Variants in PTPRN2 observed in about 807,000 individuals in gnomAD.
PTPRN2 encodes the protein receptor-type tyrosine-protein phosphatase N2.
A neutral mutation model predicts 118.8 loss-of-function variants in PTPRN2; 74 were observed. That is an observed-to-expected ratio of 0.62 (90% CI 0.52 to 0.76). The LOEUF (loss-of-function observed/expected upper bound fraction) is 0.76. Ranked by LOEUF, PTPRN2 falls within the 30% of genes least tolerant of loss-of-function variation. The pLI, the probability that PTPRN2 is intolerant of heterozygous loss-of-function variation, is 0.00. For synonymous variants in PTPRN2, 641 were observed against 608.0 expected (o/e 1.05, Z -0.80); for missense variants, 1,481 against 1,394.4 (o/e 1.06, Z -0.99).
intron 11 of PTPRN2, among the ~76,000 whole-genome samples, chr7:157,981,284 C>G (rs527970116): frequency 6.6e-6 from 1 of 151,570 alleles, no homozygotes; most frequent in Non-Finnish European, 1.5e-5. Context: ...ATGGAGAAGG[C>G]TTCCATAGTC....
At position 157,869,542 on chromosome 7, in the gene PTPRN2, G is replaced by A. The variant is rs1048614718; in HGVS notation, c.1788+29131C>T. Among the ~76,000 whole-genome samples, 2 of 152,232 alleles carry A rather than the reference G, an allele frequency of 1.3e-5. No homozygotes were observed. Among genetic ancestry groups the A allele is most frequent in the Non-Finnish European group, 2.9e-5 (2 of 68,004 alleles). On this transcript the variant is annotated intron_variant, in intron 12 of 22. Transcript: ENST00000389418. The surrounding 1 kb of genome is among the most constrained non-coding windows in gnomAD (Gnocchi z 4.2). Reference sequence around the variant, plus strand: ...ACCCACCATTTAGTCCATTCCCAAGGCACTGAGGACCTTGGGAATTTAGCC... The same window carrying A: ...ACCCACCATTTAGTCCATTCCCAAGACACTGAGGACCTTGGGAATTTAGCC...
intron 11 of PTPRN2, among the ~76,000 whole-genome samples, chr7:157,992,868 G>A (rs1804352464): frequency 6.6e-6 from 1 of 152,256 alleles, no homozygotes; most frequent in African/African-American, 2.4e-5. Context: ...AGCATAGACA[G>A]TATCTTCAGT....
chr7:157,938,937 A>G (rs1246890429), intron 11 of PTPRN2, among the ~76,000 whole-genome samples: 1 of 152,250 alleles, frequency 6.6e-6, no homozygotes, highest in Non-Finnish European at 1.5e-5. Context: ...TGGGAGCATC[A>G]GAGCAAACTT....
chr7:158,368,820 C>T (rs1210536807), intron 2 of PTPRN2, among the ~76,000 whole-genome samples: 1 of 152,178 alleles, frequency 6.6e-6, no homozygotes, highest in Non-Finnish European at 1.5e-5. Flanking sequence ...GAGAGCTCTG[C>T]CAGACAGAGG....
chr7:157,769,825 A>G (rs1028641651), intron 12 of PTPRN2, among the ~76,000 whole-genome samples: 9 of 151,906 alleles, frequency 5.9e-5, no homozygotes, highest in Non-Finnish European at 1.2e-4. Context: ...GGCGCTCCTC[A>G]CCTGGATTCC....
chr7:157,725,025 G>A (rs1028391460), intron 12 of PTPRN2, among the ~76,000 whole-genome samples: 12 of 152,130 alleles, frequency 7.9e-5, no homozygotes, highest in African/African-American at 2.2e-4. Context: ...TAAAATTCTC[G>A]TGTCCTTAAA....
intron 12 of PTPRN2, among the ~76,000 whole-genome samples, chr7:157,774,267 G>A (rs182643942): frequency 5.3e-5 from 8 of 152,302 alleles, no homozygotes; most frequent in Admixed American, 1.3e-4. Flanking sequence ...ACAGAGATGC[G>A]CTGAATAGAA....
At chr7:157,756,301 TTAA>T (rs770077671) in intron 12 of PTPRN2, among the ~76,000 whole-genome samples, 207 of 146,012 alleles carry the variant, frequency 1.4e-3, no homozygotes, top group Middle Eastern at 7.0e-3. Flanking sequence ...AATCTTTTAA[TTAA>T]TTTTTTTTTT....
intron 5 of PTPRN2, among the ~76,000 whole-genome samples, chr7:158,182,947 A>C (rs1824839308): frequency 6.6e-6 from 1 of 152,198 alleles, no homozygotes; most frequent in African/African-American, 2.4e-5. Context: ...ATCTAGCAGT[A>C]ATTATTTTAT....
intron 2 of PTPRN2, among the ~76,000 whole-genome samples, chr7:158,474,522 C>G (rs1336123979): frequency 6.6e-6 from 1 of 152,248 alleles, no homozygotes; most frequent in Non-Finnish European, 1.5e-5. Flanking sequence ...TCAAGAGCAT[C>G]TTAGTAAATG....
chr7:158,255,779 C>G (rs1172707655), intron 3 of PTPRN2, among the ~76,000 whole-genome samples: 1 of 142,576 alleles, frequency 7.0e-6, no homozygotes, highest in Non-Finnish European at 1.5e-5. Flanking sequence ...TCTGGCTGCC[C>G]TGGGCTCGCC....
intron 11 of PTPRN2, among the ~76,000 whole-genome samples, chr7:158,032,493 C>T (rs1204268749): frequency 6.6e-6 from 1 of 152,076 alleles, no homozygotes; most frequent in Non-Finnish European, 1.5e-5. Flanking sequence ...GTGAGTGGCT[C>T]CTCCGCCTGA....
At chr7:158,366,005 C>T (rs1809457097) in intron 2 of PTPRN2, among the ~76,000 whole-genome samples, 2 of 149,224 alleles carry the variant, frequency 1.3e-5, no homozygotes, top group Non-Finnish European at 3.0e-5. Context: ...GAAGCTGCAG[C>T]CCAATGCACG....
chr7:157,552,849 C>T (rs527901178), intron 21 of PTPRN2, among the ~76,000 whole-genome samples: 1 of 152,312 alleles, frequency 6.6e-6, no homozygotes, highest in South Asian at 2.1e-4. Context: ...GGGCCAGCCT[C>T]ACCTCTGGAG....
chr7:158,422,187 T>G (rs1029379554), intron 2 of PTPRN2, among the ~76,000 whole-genome samples: 1 of 152,232 alleles, frequency 6.6e-6, no homozygotes, highest in Non-Finnish European at 1.5e-5. Context: ...GCAAAGGAGC[T>G]AGACTACAAG....
At chr7:157,989,898 C>CCCTGCCCAGGGCTGCGCTGA (rs1415453809) in intron 11 of PTPRN2, among the ~76,000 whole-genome samples, 1 of 152,068 alleles carries the variant, frequency 6.6e-6, no homozygotes, top group Non-Finnish European at 1.5e-5. Flanking sequence ...TCCCACCCCG[C>CCCTGCCCAGGGCTGCGCTGA]CCTGCCCAGG....
intron 3 of PTPRN2, among the ~76,000 whole-genome samples, chr7:158,238,274 C>T (rs1337413505): frequency 6.6e-6 from 1 of 152,138 alleles, no homozygotes; most frequent in Non-Finnish European, 1.5e-5. Flanking sequence ...GCCCAGCACA[C>T]CTGATGGCCA....
At chr7:157,791,019 T>C (rs1313388693) in intron 12 of PTPRN2, among the ~76,000 whole-genome samples, 2 of 152,198 alleles carry the variant, frequency 1.3e-5, no homozygotes, top group Admixed American at 6.5e-5. Flanking sequence ...TTTTGGAAAG[T>C]AATTTGGCAA....
At chr7:157,628,133 T>G (rs1803700439) in intron 14 of PTPRN2, among the ~76,000 whole-genome samples, 1 of 152,332 alleles carries the variant, frequency 6.6e-6, no homozygotes, top group Middle Eastern at 3.4e-3. Context: ...ACAGCCTCCA[T>G]GTGTCAGGCA....
Sources: gnomAD v4.1 joint callset for allele counts (sites outside exome capture counted in the v4.1 genomes callset) on GRCh38, gnomAD v4.1.1 for gene constraint, Gnocchi (gnomAD v3.1) non-coding constraint, MANE v1.5 for transcripts, NCBI Gene and HGNC (gene_info 2026-07-23, HGNC 2026-07-21) for gene names.